Variants in COL14A1 observed in about 807,000 individuals in gnomAD.
COL14A1 encodes the protein collagen type XIV alpha 1 chain.
A neutral mutation model predicts 230.3 loss-of-function variants in COL14A1; 136 were observed. The observed-to-expected ratio is 0.59, with a 90% confidence interval of 0.51 to 0.68. The LOEUF (loss-of-function observed/expected upper bound fraction) is 0.68. Ranked by LOEUF, COL14A1 falls within the 30% of genes least tolerant of loss-of-function variation. COL14A1 has a pLI of 0.00. For missense variants in COL14A1, 1,976 were observed against 2,215.8 expected (o/e 0.89, Z 2.17); for synonymous variants, 792 against 784.1 (o/e 1.01, Z -0.17).
intron 42 of COL14A1, among the ~76,000 whole-genome samples, chr8:120,338,791 AT>A (rs1200940816): frequency 6.6e-6 from 1 of 152,076 alleles, no homozygotes; most frequent in African/African-American, 2.4e-5. Context: ...TTATTTGCTG[AT>A]TTTTTTGTTT....
At chr8:120,365,455 G>A (rs117222732) in intron 45 of COL14A1, among the ~76,000 whole-genome samples, 1 of 152,262 alleles carries the variant, frequency 6.6e-6, no homozygotes, top group Non-Finnish European at 1.5e-5. Context: ...AGAAGAGGAT[G>A]GATTCTCGGC....
intron 40 of COL14A1, among the ~76,000 whole-genome samples, chr8:120,331,681 TCTC>T (rs948974749): frequency 2.6e-5 from 4 of 152,078 alleles, no homozygotes; most frequent in African/African-American, 9.7e-5. Flanking sequence ...TCCTCCCAAA[TCTC>T]CTCCAGCTTA....
intron 43 of COL14A1, among the ~76,000 whole-genome samples, chr8:120,341,763 A>G (rs1197293585): frequency 6.6e-6 from 1 of 152,246 alleles, no homozygotes; most frequent in Non-Finnish European, 1.5e-5. Flanking sequence ...GGGCTTTTTG[A>G]TGCTCCCAGG....
At chr8:120,126,246 C>G (rs981382714) in intron 1 of COL14A1, among the ~76,000 whole-genome samples, 12 of 152,236 alleles carry the variant, frequency 7.9e-5, no homozygotes, top group Admixed American at 7.8e-4. Flanking sequence ...TAGGGCAGAG[C>G]CTGGAGGCCG....
intron 1 of COL14A1, among the ~76,000 whole-genome samples, chr8:120,127,965 G>A (rs958001931): frequency 1.3e-5 from 2 of 152,150 alleles, no homozygotes; most frequent in African/African-American, 4.8e-5. Flanking sequence ...GTTGGTAAAC[G>A]GGGCACTAGT....
chr8:120,297,515 A>T lies in COL14A1; in HGVS notation c.4241A>T (p.Gln1414Leu). The T allele has an allele frequency of 6.9e-7, 1 of 1,445,456 alleles. No individual in the cohort carries two copies. The highest frequency in any genetic ancestry group is 9.1e-7 in the Non-Finnish European group (1 of 1,099,452). 89.5% of individuals were successfully genotyped at this position (1,445,456 alleles called of 1,614,324 possible). ...RGPGGNSAPF[Q>L]LQMFDIVCST... The stretch of plus-strand genomic sequence containing the variant: ...AATTTTCTTTTTAAATCATAGTTCC[A>T]GTTACAGATGTTTGATATTGTTTGC... Residue 1414 changes from glutamine (Q) to leucine (L), a missense_variant, in exon 35 of 48, where the codon CAG becomes CTG. Gln to Leu is a moderately radical substitution (Grantham distance 113). Transcript: ENST00000297848.
chr8:120,289,910 GGATA>G, intron 34 of COL14A1, 144 bp downstream of exon 34: 1 of 775,884 alleles, frequency 1.3e-6, no homozygotes, highest in Non-Finnish European at 2.0e-6. Flanking sequence ...ATGGATGGAT[GGATA>G]GATGGATGGA....
At chr8:120,305,704 T>C (rs1489202512) in intron 36 of COL14A1, among the ~76,000 whole-genome samples, 1 of 152,190 alleles carries the variant, frequency 6.6e-6, no homozygotes, top group African/African-American at 2.4e-5. Flanking sequence ...TTCTTAATTT[T>C]TGCTTTTTAT....
chr8:120,266,965 A>G, intron 25 of COL14A1, 82 bp downstream of exon 25: 1 of 1,194,360 alleles, frequency 8.4e-7, no homozygotes, highest in Non-Finnish European at 1.2e-6. Flanking sequence ...TCAAACCAGG[A>G]TATTAATAAA....
At chr8:120,187,189 T>C (rs538778670) in intron 5 of COL14A1, among the ~76,000 whole-genome samples, 9 of 152,338 alleles carry the variant, frequency 5.9e-5, no homozygotes, top group African/African-American at 2.2e-4. Context: ...TAAACCATAA[T>C]TGGGTCTTTA....
intron 45 of COL14A1, among the ~76,000 whole-genome samples, chr8:120,363,357 A>G (rs1246229538): frequency 6.6e-6 from 1 of 152,178 alleles, no homozygotes; most frequent in Non-Finnish European, 1.5e-5. Context: ...ATTCTCACTC[A>G]TAAGTGGGAG....
intron 14 of COL14A1, among the ~76,000 whole-genome samples, chr8:120,220,211 A>G (rs1817885003): frequency 6.6e-6 from 1 of 152,188 alleles, no homozygotes; most frequent in Non-Finnish European, 1.5e-5. Flanking sequence ...AAATCCTCAA[A>G]AAACATTCTG....
At chr8:120,129,414 A>AG (rs1425686273) in intron 1 of COL14A1, among the ~76,000 whole-genome samples, 3 of 152,116 alleles carry the variant, frequency 2.0e-5, no homozygotes, top group African/African-American at 7.2e-5. Context: ...AAATGAAGAG[A>AG]GGGAAAAAAA....
rs1438950657 is a variant in COL14A1 at position 120,263,073 on chromosome 8, A to G, written c.3016+59A>G. ...CCCATGAACAAACAGAATTTCAGGCATCCTGTTTCCTTATCCCATTTAGAA... is the reference window on the plus strand; with the variant it reads ...CCCATGAACAAACAGAATTTCAGGCGTCCTGTTTCCTTATCCCATTTAGAA... On this transcript the variant is annotated intron_variant, in intron 24 of 47. Transcript: ENST00000297848. 4.0e-6 allele frequency: 6 copies of G among 1,488,554 alleles called. No individual in the cohort carries two copies. In the East Asian group the frequency reaches 1.5e-4, roughly 36 times the overall value. The allele number at this position is 1,488,554 out of a possible 1,614,324, so 92.2% of individuals were successfully genotyped here.
chr8:120,220,918 T>A (rs924583024), intron 14 of COL14A1, among the ~76,000 whole-genome samples: 1 of 152,158 alleles, frequency 6.6e-6, no homozygotes, highest in Admixed American at 6.5e-5. Context: ...GGCTAACATT[T>A]GTTGAGTGCT....
chr8:120,349,245 T>C (rs1158089465), intron 45 of COL14A1, among the ~76,000 whole-genome samples: 1 of 149,882 alleles, frequency 6.7e-6, no homozygotes, highest in Non-Finnish European at 1.5e-5. Context: ...TACATCACCA[T>C]CATCAAAGAC....
chr8:120,135,009 G>A (rs1333579435), intron 1 of COL14A1, among the ~76,000 whole-genome samples: 1 of 151,958 alleles, frequency 6.6e-6, no homozygotes, highest in East Asian at 1.9e-4. Context: ...AAAAACAGAT[G>A]AACAATCCTA....
At chr8:120,212,170 A>G (rs1817632080) in intron 12 of COL14A1, among the ~76,000 whole-genome samples, 1 of 152,198 alleles carries the variant, frequency 6.6e-6, no homozygotes, top group African/African-American at 2.4e-5. Context: ...TATACTCAAC[A>G]TTGTTATTCT....
chr8:120,150,478 A>G (rs1477399312), intron 2 of COL14A1, among the ~76,000 whole-genome samples: 3 of 152,242 alleles, frequency 2.0e-5, no homozygotes, highest in Non-Finnish European at 2.9e-5. Context: ...GACAAAAGAT[A>G]GGGAAATATT....
Sources: allele counts gnomAD v4.1 joint callset (sites outside exome capture counted in the v4.1 genomes callset), GRCh38; gene constraint gnomAD v4.1.1; transcripts MANE v1.5; gene names NCBI Gene and HGNC (gene_info 2026-07-23, HGNC 2026-07-21).